The following EFL1 variants were observed in gnomAD, a reference collection of about 807,000 sequenced individuals.
The protein encoded by EFL1 is elongation factor like GTPase 1, also known as elongation factor-like GTPase 1.
Under a neutral mutation model 126.7 loss-of-function variants are expected in EFL1, and 76 were observed. The ratio of observed to expected loss-of-function variants is 0.60; its 90% CI spans 0.50 to 0.73. The LOEUF (loss-of-function observed/expected upper bound fraction) is 0.73. EFL1 is among the 30% of genes least tolerant of loss of function. The pLI is 0.00. For missense variants in EFL1, 1,128 were observed against 1,343.2 expected (o/e 0.84, Z 2.50); for synonymous variants, 410 against 448.4 (o/e 0.91, Z 1.08).
At chr15:82,209,985 T>C (rs1296119483) in intron 15 of EFL1, among the ~76,000 whole-genome samples, 2 of 152,256 alleles carry the variant, frequency 1.3e-5, no homozygotes, top group Non-Finnish European at 2.9e-5. Flanking sequence ...CCGTATCATT[T>C]ATGATGAAAA....
chr15:82,239,298 G>A lies in EFL1; in HGVS notation c.517-777C>T, dbSNP rs187375221. Among the ~76,000 whole-genome samples, 109 of 151,994 alleles carry A rather than the reference G, an allele frequency of 7.2e-4. 2 individuals are homozygous for A. The East Asian group carries it at 0.017, about 24-fold the overall frequency. On this transcript the variant is annotated intron_variant, in intron 6 of 19. Transcript: ENST00000268206. The stretch of plus-strand genomic sequence containing the variant: ...ACTACAGGGGCCTGCTACCACGCCC[G>A]GCTAATTTTTTGTATTTTTAGTAGA...
At chr15:82,180,359 C>CAAAAAAAAAAAAAAAAAA (rs71156028) in intron 15 of EFL1, among the ~76,000 whole-genome samples, 2 of 120,608 alleles carry the variant, frequency 1.7e-5, no homozygotes, top group African/African-American at 3.4e-5. Flanking sequence ...ATTAAACTGG[C>CAAAAAAAAAAAAAAAAAA]AAAAAAAAAA....
chr15:82,145,597 C>A (rs1489528376), intron 18 of EFL1, among the ~76,000 whole-genome samples: 2 of 151,724 alleles, frequency 1.3e-5, no homozygotes, highest in Non-Finnish European at 1.5e-5. Context: ...TTTGGGAGGC[C>A]GAGCTGGGTG....
At chr15:82,227,767 G>T in intron 10 of EFL1, among the ~76,000 whole-genome samples, 195 bp from the exon 11 acceptor site, 1 of 152,200 alleles carries the variant, frequency 6.6e-6, no homozygotes, top group East Asian at 1.9e-4. Flanking sequence ...ACTCCTTAAA[G>T]CTCAGAAAGG....
chr15:82,139,542 C>G (rs1298316766), intron 18 of EFL1, among the ~76,000 whole-genome samples: 1 of 152,194 alleles, frequency 6.6e-6, no homozygotes, highest in Admixed American at 6.5e-5. Flanking sequence ...AGGGAAACAT[C>G]TTCCCCTCTG....
chr15:82,224,738 G>A (rs1173029336), intron 12 of EFL1, among the ~76,000 whole-genome samples: 2 of 152,214 alleles, frequency 1.3e-5, no homozygotes, highest in South Asian at 2.1e-4. Context: ...GGAACTTGAG[G>A]AATATCCCTC....
intron 4 of EFL1, among the ~76,000 whole-genome samples, chr15:82,245,523 CTT>C (rs1480888090): frequency 6.6e-6 from 1 of 151,992 alleles, no homozygotes; most frequent in Non-Finnish European, 1.5e-5. Flanking sequence ...ACTAATACGA[CTT>C]ATTATTTGAC....
chr15:82,199,663 A>C (rs1290729641), intron 15 of EFL1, among the ~76,000 whole-genome samples: 8 of 152,152 alleles, frequency 5.3e-5, no homozygotes. Flanking sequence ...ACACACATGA[A>C]TTTATTTCTT....
At position 82,163,974 on chromosome 15, in the gene EFL1, G is replaced by T. The variant is rs1267022671; in HGVS notation, c.1761C>A (p.Gly587=). Residue 587 remains glycine (G), a synonymous_variant, in exon 16 of 20, where the codon GGC becomes GGA. Transcript: ENST00000268206. ...VPPGNVLGIG[G]LQDFVLKSAT... is the part of the protein sequence containing the mutation. ...CAGATTTCAGCACAAAATCTTGAAG[G>T]CCTCCTATTCCTGTAGGAAGAAAAG... 6.2e-7 allele frequency: 1 copy of T among 1,613,730 alleles called. No homozygotes were observed. The highest frequency in any genetic ancestry group is 8.5e-7 in the Non-Finnish European group (1 of 1,179,850).
chr15:82,247,808 G>A (rs2074986816), intron 4 of EFL1, among the ~76,000 whole-genome samples: 1 of 152,110 alleles, frequency 6.6e-6, no homozygotes, highest in Non-Finnish European at 1.5e-5. Context: ...GAGAAACATG[G>A]GGAAGAGACT....
chr15:82,244,813 T>C (rs2074956824), intron 4 of EFL1, among the ~76,000 whole-genome samples: 5 of 152,154 alleles, frequency 3.3e-5, no homozygotes, highest in Admixed American at 2.6e-4. Context: ...TAAAACTTCA[T>C]GTAAGGAGTT....
At chr15:82,152,804 G>A (rs920217689) in intron 17 of EFL1, among the ~76,000 whole-genome samples, 5 of 152,070 alleles carry the variant, frequency 3.3e-5, no homozygotes, top group Non-Finnish European at 5.9e-5. Context: ...GAGAAGAAAA[G>A]CTCAATGATT....
In EFL1 at chr15:82,159,614, A is replaced by G. The variant is rs547610110; in HGVS notation, c.1883-1754T>C. ...TGTATAATGTATAAAAACCTCTTAC[A>G]ATTTGGAAGGTGATTTTCTTAACCT... On this transcript the variant is annotated intron_variant, in intron 16 of 19. Transcript: ENST00000268206. 5.3e-4 allele frequency among the ~76,000 whole-genome samples: 80 copies of G among 152,284 alleles called. 1 individual carries two copies. The highest frequency in any genetic ancestry group is 1.8e-3 in the African/African-American group (75 of 41,568).
chr15:82,166,081 G>T (rs900487508), intron 15 of EFL1, among the ~76,000 whole-genome samples: 2 of 152,118 alleles, frequency 1.3e-5, no homozygotes, highest in East Asian at 1.9e-4. Context: ...AGAGGCTAAG[G>T]GTTTAGGAAA....
chr15:82,154,381 T>C (rs1234846950), intron 17 of EFL1, among the ~76,000 whole-genome samples: 1 of 152,208 alleles, frequency 6.6e-6, no homozygotes, highest in Non-Finnish European at 1.5e-5. Flanking sequence ...TTCCTGGACA[T>C]AATCCATTCC....
intron 15 of EFL1, among the ~76,000 whole-genome samples, chr15:82,184,218 G>T (rs1042556516): frequency 1.3e-5 from 2 of 152,298 alleles, no homozygotes; most frequent in Admixed American, 1.3e-4. Flanking sequence ...AAGATCTGTA[G>T]TTGAGATACA....
intron 15 of EFL1, among the ~76,000 whole-genome samples, chr15:82,194,705 C>G (rs528927236): frequency 6.6e-6 from 1 of 152,284 alleles, no homozygotes; most frequent in South Asian, 2.1e-4. Context: ...CAGGCATAAA[C>G]AGGATGTCCT....
intron 15 of EFL1, among the ~76,000 whole-genome samples, chr15:82,177,709 CTTTA>C (rs2074209506): frequency 1.3e-5 from 2 of 152,170 alleles, no homozygotes. Flanking sequence ...CTACTGCTGC[CTTTA>C]TTTATTTATT....
chr15:82,162,792 A>C (rs1019690371), intron 16 of EFL1, among the ~76,000 whole-genome samples: 2 of 152,176 alleles, frequency 1.3e-5, no homozygotes, highest in Non-Finnish European at 2.9e-5. Flanking sequence ...TTGAGACAGC[A>C]ATGAGTTCAG....
Sources: allele counts gnomAD v4.1 joint callset (sites outside exome capture counted in the v4.1 genomes callset), GRCh38; gene constraint gnomAD v4.1.1; transcripts MANE v1.5; gene names NCBI Gene and HGNC (gene_info 2026-07-23, HGNC 2026-07-21).